Variants in SYT9 observed in about 807,000 individuals in gnomAD.
SYT9 encodes synaptotagmin-9.
Under a neutral mutation model 48.4 loss-of-function variants are expected in SYT9, and 22 were observed. The observed-to-expected ratio is 0.45, with a 90% CI of 0.32 to 0.65. The LOEUF (loss-of-function observed/expected upper bound fraction) is 0.65. SYT9 is among the 30% of genes least tolerant of loss of function. SYT9 has a pLI of 0.03. For synonymous variants in SYT9, 265 were observed against 245.0 expected, an observed-to-expected ratio of 1.08 and a Z score of -0.76; for missense variants, 577 against 622.0, an observed-to-expected ratio of 0.93 and a Z score of 0.77.
At chr11:7,457,813 G>A (rs886929280) in intron 6 of SYT9, 1 of 152,178 alleles carries the variant, frequency 6.6e-6, no homozygotes, top group African/African-American at 2.4e-5. Flanking sequence ...TAAAAGGCAG[G>A]TTGGGAAACC....
chr11:7,386,844 T>C (rs1438293189), intron 3 of SYT9, among the ~76,000 whole-genome samples: 3 of 152,262 alleles, frequency 2.0e-5, no homozygotes, highest in Admixed American at 6.5e-5. Context: ...AAGACACATG[T>C]ACACGTATGT....
At chr11:7,331,968 T>C (rs553171936) in intron 3 of SYT9, among the ~76,000 whole-genome samples, 1 of 152,282 alleles carries the variant, frequency 6.6e-6, no homozygotes, top group African/African-American at 2.4e-5. Context: ...AGTAAAATTA[T>C]TTTTGAGTGC....
intron 1 of SYT9, among the ~76,000 whole-genome samples, chr11:7,245,172 T>G (rs1245565666): frequency 6.6e-6 from 1 of 152,222 alleles, no homozygotes; most frequent in Non-Finnish European, 1.5e-5. Context: ...TCCAATAAGC[T>G]GGAGAAGTTC....
intron 5 of SYT9, among the ~76,000 whole-genome samples, chr11:7,420,012 A>G (rs979662717): frequency 2.0e-5 from 3 of 152,222 alleles, no homozygotes; most frequent in Non-Finnish European, 4.4e-5. Flanking sequence ...GTATAAGACA[A>G]TAACAGTATT....
chr11:7,303,360 G>A lies in SYT9; in HGVS notation c.467G>A (p.Arg156His), dbSNP rs112800487. 2.0e-5 allele frequency: 32 copies of A among 1,611,208 alleles called. No individual in the cohort carries two copies. Among genetic ancestry groups the A allele is most frequent in the Non-Finnish European group, 2.5e-5 (29 of 1,179,316 alleles). ...ENCAHGVRVQ[R>H]QVTEPTSSAR... Reference sequence around the variant, plus strand: ...TGTGCCCATGGCGTCCGCGTGCAGCGCCAAGTCACAGAGCCAACCTCGTCG... The same window carrying A: ...TGTGCCCATGGCGTCCGCGTGCAGCACCAAGTCACAGAGCCAACCTCGTCG... Residue 156 changes from arginine (R) to histidine (H), a missense_variant, in exon 2 of 7, where the codon CGC becomes CAC. Arg to His is a conservative substitution (Grantham distance 29). Coordinates refer to ENST00000318881, the MANE Select transcript of SYT9 (RefSeq NM_175733.4).
At chr11:7,464,715 T>G (rs1590048107) in intron 6 of SYT9, among the ~76,000 whole-genome samples, 1 of 152,252 alleles carries the variant, frequency 6.6e-6, no homozygotes, top group East Asian at 1.9e-4. Flanking sequence ...GGCAAACTGA[T>G]ATGGGTATGG....
intron 3 of SYT9, among the ~76,000 whole-genome samples, chr11:7,334,828 G>C (rs1454032561): frequency 1.3e-5 from 2 of 152,092 alleles, no homozygotes; most frequent in Admixed American, 6.5e-5. Context: ...TCTTTTTATT[G>C]CTGAGTACTA....
upstream of SYT9, among the ~76,000 whole-genome samples, chr11:7,251,132 A>ACACACACACCCC (rs146134507): frequency 7.8e-6 from 1 of 127,852 alleles, no homozygotes; most frequent in African/African-American, 2.6e-5. Context: ...ACACACACAC[A>ACACACACACCCC]CCCAGAGTAC....
At chr11:7,389,838 A>G (rs542978093) in intron 3 of SYT9, among the ~76,000 whole-genome samples, 5 of 152,284 alleles carry the variant, frequency 3.3e-5, no homozygotes, top group Admixed American at 2.0e-4. Flanking sequence ...GGGAGGAAAA[A>G]AAAACCTACA....
chr11:7,312,432 A>G (rs1849154711), intron 2 of SYT9, among the ~76,000 whole-genome samples: 1 of 152,216 alleles, frequency 6.6e-6, no homozygotes, highest in South Asian at 2.1e-4. Context: ...TGCATACAAT[A>G]CAATATAATG....
At chr11:7,275,159 G>T (rs964255493) in intron 1 of SYT9, among the ~76,000 whole-genome samples, 8 of 152,056 alleles carry the variant, frequency 5.3e-5, no homozygotes, top group Non-Finnish European at 8.8e-5. Context: ...CACCAGCCCT[G>T]CTCCAGCAGA....
At position 7,452,159 on chromosome 11, in the gene SYT9, CAA is replaced by C. The variant is rs201475368; in HGVS notation, c.1468-14631_1468-14630del. Among the ~76,000 whole-genome samples the C allele has an allele frequency of 7.2e-3, 917 of 126,792 alleles. 9 individuals carry two copies. Among genetic ancestry groups the C allele is most frequent in the African/African-American group, 0.031 (856 of 27,926 alleles). The allele number at this position is 126,792 out of a possible 152,430, so 83.2% of individuals were successfully genotyped here. A position where few individuals can be genotyped will look rare whatever the true frequency, so the allele number is the denominator to read the frequency against. ...CACACACACACACACTGAGGAAAAA[CAA>C]ACAATGATAAGAAATCAAATTCAAG... On this transcript the variant is annotated intron_variant, in intron 6 of 6. Coordinates refer to ENST00000318881, the MANE Select transcript of SYT9 (RefSeq NM_175733.4).
intron 3 of SYT9, among the ~76,000 whole-genome samples, chr11:7,320,874 GA>G (rs1426353154): frequency 1.3e-5 from 2 of 152,210 alleles, no homozygotes; most frequent in African/African-American, 4.8e-5. Flanking sequence ...GTCAGCAAGA[GA>G]GAAGACAGCA....
chr11:7,379,208 A>T (rs1031344990), intron 3 of SYT9, among the ~76,000 whole-genome samples: 1 of 152,192 alleles, frequency 6.6e-6, no homozygotes, highest in Non-Finnish European at 1.5e-5. Flanking sequence ...TTGACTAGAC[A>T]TGCTCCCTGG....
intron 3 of SYT9, among the ~76,000 whole-genome samples, chr11:7,409,916 G>A (rs1386789475): frequency 6.6e-6 from 1 of 151,712 alleles, no homozygotes; most frequent in Non-Finnish European, 1.5e-5. Flanking sequence ...TGCTTTTGTG[G>A]TTCCTTGAGA....
chr11:7,239,379 C>T (rs1011070141), intron 1 of SYT9, among the ~76,000 whole-genome samples: 2 of 152,102 alleles, frequency 1.3e-5, no homozygotes, highest in African/African-American at 4.8e-5. Flanking sequence ...CTTTTTGTAA[C>T]AGTGAGGCAC....
intron 1 of SYT9, among the ~76,000 whole-genome samples, chr11:7,242,112 A>C (rs752869720): frequency 6.6e-6 from 1 of 152,250 alleles, no homozygotes; most frequent in Non-Finnish European, 1.5e-5. Flanking sequence ...TGCTTAATAA[A>C]TGTCTGCTGT....
chr11:7,377,188 C>A (rs1850469866), intron 3 of SYT9, among the ~76,000 whole-genome samples: 1 of 151,442 alleles, frequency 6.6e-6, no homozygotes, highest in South Asian at 2.1e-4. Context: ...GAATTATGGA[C>A]CCACTCTATG....
At chr11:7,443,507 T>C (rs1016402569) in intron 6 of SYT9, among the ~76,000 whole-genome samples, 1 of 152,136 alleles carries the variant, frequency 6.6e-6, no homozygotes, top group African/African-American at 2.4e-5. Context: ...GCTGAATGCA[T>C]GAAAGAGGCT....
Sources: gnomAD v4.1 joint callset for allele counts (sites outside exome capture counted in the v4.1 genomes callset) on GRCh38, gnomAD v4.1.1 for gene constraint, MANE v1.5 for transcripts, NCBI Gene and HGNC (gene_info 2026-07-23, HGNC 2026-07-21) for gene names.